Variants in EDIL3 observed in about 807,000 individuals in gnomAD.
The protein encoded by EDIL3 is EGF-like repeat and discoidin I-like domain-containing protein 3.
A neutral mutation model predicts 67.4 loss-of-function variants in EDIL3; 37 were observed. The ratio of observed to expected loss-of-function variants is 0.55; its 90% CI spans 0.42 to 0.72. EDIL3 has a LOEUF of 0.72. Among genes scored for constraint, EDIL3 ranks in the 30% least tolerant of loss-of-function variants. EDIL3 has a pLI of 0.00. For missense variants in EDIL3, 527 were observed against 586.3 expected, an observed-to-expected ratio of 0.90 and a Z score of 1.04; for synonymous variants, 195 against 196.3, an observed-to-expected ratio of 0.99 and a Z score of 0.05.
At chr5:84,263,498 G>A (rs879792880) in intron 1 of EDIL3, among the ~76,000 whole-genome samples, 1 of 152,044 alleles carries the variant, frequency 6.6e-6, no homozygotes, top group Non-Finnish European at 1.5e-5. Flanking sequence ...TGTGTTATGC[G>A]GGATATACCA....
intron 1 of EDIL3, among the ~76,000 whole-genome samples, chr5:84,259,631 C>T (rs1745188805): frequency 6.6e-6 from 1 of 152,154 alleles, no homozygotes; most frequent in South Asian, 2.1e-4. Flanking sequence ...TTTGCCTGCT[C>T]TTTCCACCCA....
intron 6 of EDIL3, among the ~76,000 whole-genome samples, chr5:84,086,648 G>A (rs1010586522): frequency 6.6e-5 from 10 of 152,146 alleles, no homozygotes; most frequent in Admixed American, 3.3e-4. Context: ...TTAAGAAATT[G>A]TTAAGGGACT....
At chr5:84,012,390 C>T (rs1468881838) in intron 9 of EDIL3, among the ~76,000 whole-genome samples, 1 of 152,132 alleles carries the variant, frequency 6.6e-6, no homozygotes, top group African/African-American at 2.4e-5. Flanking sequence ...GAAATATTGG[C>T]ATTATGCATG....
intron 4 of EDIL3, among the ~76,000 whole-genome samples, chr5:84,165,232 C>T (rs1748684256): frequency 6.6e-6 from 1 of 152,024 alleles, no homozygotes; most frequent in African/African-American, 2.4e-5. Context: ...ATGTACATGG[C>T]CGGACAAATG....
At chr5:84,165,111 A>G (rs1748681217) in intron 4 of EDIL3, among the ~76,000 whole-genome samples, 1 of 152,138 alleles carries the variant, frequency 6.6e-6, no homozygotes, top group African/African-American at 2.4e-5. Flanking sequence ...ATTTTTGGCA[A>G]GAGAATAGGT....
At chr5:84,188,159 A>G (rs961655843) in intron 3 of EDIL3, among the ~76,000 whole-genome samples, 1 of 152,038 alleles carries the variant, frequency 6.6e-6, no homozygotes, top group Non-Finnish European at 1.5e-5. Context: ...TGTCTATAAG[A>G]AGGCACTGAG....
intron 9 of EDIL3, among the ~76,000 whole-genome samples, chr5:83,982,642 TAATAGTA>T (rs1283116690): frequency 1.3e-5 from 2 of 152,150 alleles, no homozygotes; most frequent in Admixed American, 6.6e-5. Context: ...AGAATAAGAT[TAATAGTA>T]ATTTCGTGTA....
chr5:84,146,169 T>C (rs369195743), intron 4 of EDIL3, among the ~76,000 whole-genome samples: 17 of 152,282 alleles, frequency 1.1e-4, no homozygotes, highest in African/African-American at 4.1e-4. Flanking sequence ...AGATTACTTA[T>C]TATGTACCAA....
rs544372037 is a variant in EDIL3 at position 84,271,888 on chromosome 5, T to C, written c.68-17676A>G. Among the ~76,000 whole-genome samples, 11 of 152,312 alleles carry C rather than the reference T, an allele frequency of 7.2e-5. No individual in the cohort carries two copies. In the South Asian group the frequency reaches 2.1e-3, roughly 29 times the overall value. On this transcript the variant is annotated intron_variant, in intron 1 of 10. Transcript: ENST00000296591. ...GAATTACAGACCACATCCTCAACTG[T>C]GGAATGATTCCATTTTGGATACTTA...
rs1436305496 is a variant in EDIL3 at position 83,942,912 on chromosome 5, A to G, written c.*507T>C. On this transcript the variant is annotated 3_prime_UTR_variant, in exon 11 of 11. Coordinates refer to ENST00000296591, the MANE Select transcript of EDIL3 (RefSeq NM_005711.5). ...CTGCATGTTACATATTCTTCTTTAA[A>G]ATTTTGTAATAAACATTGACAGTGT... The G allele has an allele frequency of 1.3e-5, 2 of 157,502 alleles. No homozygotes were observed. Among genetic ancestry groups the G allele is most frequent in the East Asian group, 3.8e-4 (2 of 5,240 alleles). 9.8% of individuals were successfully genotyped at this position (157,502 alleles called of 1,614,324 possible). A position where few individuals can be genotyped will look rare whatever the true frequency, so the allele number is the denominator to read the frequency against.
At chr5:83,949,770 A>T (rs1321478639) in intron 10 of EDIL3, among the ~76,000 whole-genome samples, 1 of 151,748 alleles carries the variant, frequency 6.6e-6, no homozygotes, top group Non-Finnish European at 1.5e-5. Flanking sequence ...TGTGCAGTAG[A>T]TGTTAACCTT....
chr5:84,033,576 C>T (rs868305075), intron 9 of EDIL3, among the ~76,000 whole-genome samples: 2 of 151,810 alleles, frequency 1.3e-5, no homozygotes, highest in Non-Finnish European at 1.5e-5. Context: ...TGGTGGCACA[C>T]GCCTGTAGTC....
chr5:84,053,430 C>T (rs1391847187), intron 9 of EDIL3, among the ~76,000 whole-genome samples: 2 of 152,110 alleles, frequency 1.3e-5, no homozygotes, highest in East Asian at 1.9e-4. Context: ...CATTCAAAAG[C>T]TAGGAGAAGG....
intron 1 of EDIL3, among the ~76,000 whole-genome samples, chr5:84,273,518 G>T (rs891318831): frequency 1.3e-5 from 2 of 152,142 alleles, no homozygotes; most frequent in Admixed American, 6.5e-5. Context: ...AGGCATTAAA[G>T]AAGTTAATAT....
chr5:83,965,778 T>C (rs1744680497), intron 9 of EDIL3, among the ~76,000 whole-genome samples: 1 of 152,008 alleles, frequency 6.6e-6, no homozygotes, highest in African/African-American at 2.4e-5. Flanking sequence ...TTTTTTTCTA[T>C]CTAGAAATGT....
At chr5:84,284,413 C>T (rs1745769097) in intron 1 of EDIL3, among the ~76,000 whole-genome samples, 1 of 151,986 alleles carries the variant, frequency 6.6e-6, no homozygotes, top group Non-Finnish European at 1.5e-5. Context: ...TGCACTTGTC[C>T]TATTTACTGG....
At chr5:84,312,018 T>C (rs996071032) in intron 1 of EDIL3, among the ~76,000 whole-genome samples, 9 of 152,194 alleles carry the variant, frequency 5.9e-5, no homozygotes, top group African/African-American at 1.9e-4. Flanking sequence ...CTTTCCCCAC[T>C]TTCTATTCCA....
chr5:83,977,904 A>G (rs1033414079), intron 9 of EDIL3, among the ~76,000 whole-genome samples: 1 of 151,824 alleles, frequency 6.6e-6, no homozygotes, highest in Admixed American at 6.6e-5. Context: ...TTTCCTATTC[A>G]CTTTTACAGC....
chr5:84,336,788 T>C lies in EDIL3; in HGVS notation c.67+47520A>G, dbSNP rs570628915. Among the ~76,000 whole-genome samples, 145 of 152,254 alleles carry C rather than the reference T, an allele frequency of 9.5e-4. 2 individuals carry two copies. Among genetic ancestry groups the C allele is most frequent in the Admixed American group, 1.8e-3 (27 of 15,286 alleles). ...TGGTAAGTTTATTTATCTTAGATAA[T>C]TAAATAGAGTTTCAAAATGTGATGC... On this transcript the variant is annotated intron_variant, in intron 1 of 10. Coordinates refer to ENST00000296591, the MANE Select transcript of EDIL3 (RefSeq NM_005711.5).
Sources: gnomAD v4.1 joint callset for allele counts (sites outside exome capture counted in the v4.1 genomes callset) on GRCh38, gnomAD v4.1.1 for gene constraint, MANE v1.5 for transcripts, NCBI Gene and HGNC (gene_info 2026-07-23, HGNC 2026-07-21) for gene names.